Variants in EPHB2 observed in about 807,000 individuals in gnomAD.
EPHB2 encodes the protein EPH receptor B2.
EPHB2 carries 18 observed loss-of-function variants against 96.4 expected under a neutral mutation model. The observed-to-expected ratio is 0.19, with a 90% CI of 0.13 to 0.28. The LOEUF (loss-of-function observed/expected upper bound fraction) is 0.28, where lower values mean the gene tolerates loss of function less well. Among genes scored for constraint, EPHB2 ranks in the 10% least tolerant of loss-of-function variants. The pLI is 1.00. For missense variants in EPHB2, 989 were observed against 1,355.4 expected, an observed-to-expected ratio of 0.73 and a Z score of 4.25; for synonymous variants, 506 against 534.1, an observed-to-expected ratio of 0.95 and a Z score of 0.72.
At chr1:22,743,129 C>T (rs569752246) in intron 1 of EPHB2, among the ~76,000 whole-genome samples, 9 of 152,104 alleles carry the variant, frequency 5.9e-5, no homozygotes, top group East Asian at 1.9e-4. Context: ...TGGGCTCAAA[C>T]GGTCCTTCAA....
At chr1:22,803,872 C>G (rs1400051446) in intron 3 of EPHB2, among the ~76,000 whole-genome samples, 2 of 151,256 alleles carry the variant, frequency 1.3e-5, no homozygotes, top group African/African-American at 4.9e-5. Context: ...TGTGATTGCA[C>G]CAGTGCACTC....
At chr1:22,882,748 C>T (rs146016338) in intron 6 of EPHB2, 70 of 431,790 alleles carry the variant, frequency 1.6e-4, no homozygotes, top group African/African-American at 1.2e-3. Flanking sequence ...ATGCAACAGT[C>T]ACATCCCTTT....
chr1:22,714,467 G>T (rs1643241557), intron 1 of EPHB2, among the ~76,000 whole-genome samples: 1 of 152,186 alleles, frequency 6.6e-6, no homozygotes, highest in Non-Finnish European at 1.5e-5. Context: ...AGACATGGAG[G>T]CAGGATGATC....
intron 14 of EPHB2, among the ~76,000 whole-genome samples, chr1:22,911,447 G>A (rs309496): frequency 0.031 from 4,784 of 152,136 alleles, 241 homozygotes; most frequent in African/African-American, 0.11. Context: ...TCAGAAGTTT[G>A]TACTCACCAT....
At chr1:22,795,957 C>G (rs1378493414) in intron 3 of EPHB2, among the ~76,000 whole-genome samples, 1 of 152,208 alleles carries the variant, frequency 6.6e-6, no homozygotes, top group African/African-American at 2.4e-5. Flanking sequence ...CTGTGAGGAG[C>G]TCACACTGAG....
chr1:22,785,867 CTG>C (rs1644603779), intron 3 of EPHB2, among the ~76,000 whole-genome samples: 1 of 152,218 alleles, frequency 6.6e-6, no homozygotes, highest in South Asian at 2.1e-4. Context: ...CACAAGGACC[CTG>C]TGACAGAAAG....
intron 6 of EPHB2, among the ~76,000 whole-genome samples, chr1:22,885,189 G>T (rs1639184921): frequency 6.6e-6 from 1 of 151,890 alleles, no homozygotes; most frequent in Non-Finnish European, 1.5e-5. Flanking sequence ...GCTCCCCGCA[G>T]CAGGAATAGC....
chr1:22,906,174 T>G lies in EPHB2; in HGVS notation c.1888+65T>G. 6.2e-6 allele frequency: 10 copies of G among 1,610,504 alleles called. No homozygotes were observed. The highest frequency in any genetic ancestry group is 8.5e-6 in the Non-Finnish European group (10 of 1,177,734). On this transcript the variant is annotated intron_variant, in intron 10 of 15. Transcript: ENST00000374630. The surrounding 1 kb of genome is among the most constrained non-coding windows in gnomAD (Gnocchi z 4.8). ...CATGGCTGGTGAGACCACCCCAATG[T>G]ATACCCTTGGGGCAGAAGGTAGGAT...
chr1:22,714,826 C>T (rs1368057794), intron 1 of EPHB2, among the ~76,000 whole-genome samples: 1 of 152,208 alleles, frequency 6.6e-6, no homozygotes, highest in East Asian at 1.9e-4. Flanking sequence ...GTCCACAGTT[C>T]TGGTCTGAAG....
intron 6 of EPHB2, chr1:22,892,672 C>T: frequency 1.4e-6 from 1 of 689,952 alleles, no homozygotes. Flanking sequence ...ATCCATAAGA[C>T]AGAGACATAT....
intron 1 of EPHB2, among the ~76,000 whole-genome samples, chr1:22,721,624 CTCTT>C (rs1356283719): frequency 6.6e-6 from 1 of 152,078 alleles, no homozygotes; most frequent in Non-Finnish European, 1.5e-5. Flanking sequence ...TTTTTCCTCT[CTCTT>C]TTTTCTTAGA....
intron 1 of EPHB2, chr1:22,775,101 G>A: frequency 1.3e-6 from 1 of 740,930 alleles, no homozygotes; most frequent in Admixed American, 1.9e-5. Context: ...GAAGATAAAT[G>A]CACACACACA....
At chr1:22,764,140 T>C (rs1198463836) in intron 1 of EPHB2, among the ~76,000 whole-genome samples, 1 of 152,210 alleles carries the variant, frequency 6.6e-6, no homozygotes, top group Non-Finnish European at 1.5e-5. Context: ...TGGGGGACAT[T>C]ATTCTGTCTC....
intron 1 of EPHB2, among the ~76,000 whole-genome samples, chr1:22,749,502 A>G (rs1219904787): frequency 1.3e-5 from 2 of 152,232 alleles, no homozygotes; most frequent in Non-Finnish European, 2.9e-5. Context: ...TGAAGGATTC[A>G]GACCAAGGTG....
chr1:22,816,569 CT>C (rs1570330723), intron 3 of EPHB2, among the ~76,000 whole-genome samples: 2 of 152,166 alleles, frequency 1.3e-5, no homozygotes, highest in Non-Finnish European at 2.9e-5. Context: ...GCCGTTCCCC[CT>C]GCCACCCTCC....
At chr1:22,819,190 G>C (rs145662858) in intron 3 of EPHB2, among the ~76,000 whole-genome samples, 149 of 138,998 alleles carry the variant, frequency 1.1e-3, no homozygotes, top group African/African-American at 3.8e-3. Context: ...TCCACAGCCT[G>C]GTCGCCCAGC....
chr1:22,862,604 A>C (rs555467912), intron 3 of EPHB2, among the ~76,000 whole-genome samples: 4 of 152,192 alleles, frequency 2.6e-5, no homozygotes, highest in Non-Finnish European at 5.9e-5. Flanking sequence ...CTGCCCTAGG[A>C]CTTTTCTTCT....
chr1:22,806,488 CGGACGGACGGACGGACGGATGGAT>C (rs952310626), intron 3 of EPHB2, among the ~76,000 whole-genome samples: 13 of 77,266 alleles, frequency 1.7e-4, no homozygotes, highest in Non-Finnish European at 3.2e-4. Flanking sequence ...GACGGACGGA[CGGACGGACGGACGGACGGATGGAT>C]GGATGGATGG....
At chr1:22,859,780 G>A (rs535602346) in intron 3 of EPHB2, among the ~76,000 whole-genome samples, 4 of 152,256 alleles carry the variant, frequency 2.6e-5, no homozygotes, top group Admixed American at 2.0e-4. Flanking sequence ...GTGACAGAGC[G>A]AGACTCCATC....
Sources: gnomAD v4.1 joint callset for allele counts (sites outside exome capture counted in the v4.1 genomes callset) on GRCh38, gnomAD v4.1.1 for gene constraint, Gnocchi (gnomAD v3.1) non-coding constraint, MANE v1.5 for transcripts, NCBI Gene and HGNC (gene_info 2026-07-23, HGNC 2026-07-21) for gene names.